The following DNAAF4 variants were observed in gnomAD, a reference collection of about 807,000 sequenced individuals.
DNAAF4 encodes the protein dynein assembly factor 4, axonemal.
In DNAAF4, 43 loss-of-function variants were observed where a neutral mutation model predicts 51.8. The observed-to-expected ratio is 0.83, with a 90% confidence interval of 0.65 to 1.07. The LOEUF is 1.07. DNAAF4 is among the 50% of genes least tolerant of loss of function. DNAAF4 has a pLI of 0.00. For synonymous variants in DNAAF4, 194 were observed against 165.6 expected (o/e 1.17, Z -1.32); for missense variants, 581 against 493.0 (o/e 1.18, Z -1.69).
intron 5 of DNAAF4, among the ~76,000 whole-genome samples, chr15:55,465,517 T>C (rs948635724): frequency 1.3e-5 from 2 of 151,034 alleles, no homozygotes; most frequent in African/African-American, 2.4e-5. Flanking sequence ...ACGATTATGC[T>C]ACATGAAGTA....
At chr15:55,435,958 T>C (rs1014432225) in intron 7 of DNAAF4, among the ~76,000 whole-genome samples, 17 of 152,148 alleles carry the variant, frequency 1.1e-4, no homozygotes, top group African/African-American at 4.1e-4. Flanking sequence ...CTGGCTAATT[T>C]TGTATTTTTA....
At chr15:55,438,531 C>G (rs2057654487) in intron 7 of DNAAF4, among the ~76,000 whole-genome samples, 1 of 151,964 alleles carries the variant, frequency 6.6e-6, no homozygotes, top group South Asian at 2.1e-4. Flanking sequence ...CCTGTAATCC[C>G]AGCACTTTGG....
At chr15:55,445,369 G>A (rs1156956525) in intron 6 of DNAAF4, among the ~76,000 whole-genome samples, 1 of 152,144 alleles carries the variant, frequency 6.6e-6, no homozygotes, top group Non-Finnish European at 1.5e-5. Context: ...TAAGGTTATA[G>A]ATTAACAGCA....
At chr15:55,501,156 G>A (rs1211492287) in intron 1 of DNAAF4, among the ~76,000 whole-genome samples, 2 of 140,558 alleles carry the variant, frequency 1.4e-5, no homozygotes, top group South Asian at 2.3e-4. Context: ...CTCCACCTCC[G>A]GGGTTCAAGC....
At chr15:55,487,200 C>T (rs970181778) in intron 4 of DNAAF4, among the ~76,000 whole-genome samples, 1 of 152,148 alleles carries the variant, frequency 6.6e-6, no homozygotes, top group African/African-American at 2.4e-5. Flanking sequence ...TAAAAATGCA[C>T]CAATCAGCGC....
intron 6 of DNAAF4, among the ~76,000 whole-genome samples, chr15:55,448,978 T>C (rs1161978291): frequency 6.6e-6 from 1 of 151,490 alleles, no homozygotes; most frequent in Non-Finnish European, 1.5e-5. Flanking sequence ...TATATTGTCA[T>C]TATGTCTTTT....
chr15:55,443,274 ACTACCCGGCAGGCGCCTGC>A, intron 6 of DNAAF4: 2 of 1,550,996 alleles, frequency 1.3e-6, no homozygotes, highest in Non-Finnish European at 8.8e-7. Context: ...GTTGCGGCTC[ACTACCCGGCAGGCGCCTGC>A]CTACCGGTGG....
intron 6 of DNAAF4, 40 bp from the exon 7 acceptor site, chr15:55,439,621 T>C: frequency 6.5e-7 from 1 of 1,529,390 alleles, no homozygotes. Context: ...TAAAAAGGTC[T>C]TTTTTTAATT....
chr15:55,467,476 C>G (rs1283700230), intron 4 of DNAAF4, among the ~76,000 whole-genome samples: 1 of 151,790 alleles, frequency 6.6e-6, no homozygotes. Context: ...TAGATGATAC[C>G]TAAGGGCTTG....
At chr15:55,419,348 C>T (rs906168459) in intron 7 of DNAAF4, among the ~76,000 whole-genome samples, 1 of 152,090 alleles carries the variant, frequency 6.6e-6, no homozygotes, top group South Asian at 2.1e-4. Flanking sequence ...CTCAGCCTCT[C>T]GACTAGCTGG....
In DNAAF4 at chr15:55,455,867, T is replaced by A. The variant is rs188359321; in HGVS notation, c.638-5500A>T. 2.6e-5 allele frequency among the ~76,000 whole-genome samples: 4 copies of A among 152,192 alleles called. No individual in the cohort carries two copies. The East Asian group carries it at 7.7e-4, about 29-fold the overall frequency. On this transcript the variant is annotated intron_variant, in intron 5 of 9. Coordinates refer to ENST00000321149, the MANE Select transcript of DNAAF4 (RefSeq NM_130810.4). ...ACAAGTTTACTTATTCATAGTTATTTTTTTTTTCTGAACATCTATTTCCTC... is the reference window on the plus strand; with the variant it reads ...ACAAGTTTACTTATTCATAGTTATTATTTTTTTCTGAACATCTATTTCCTC...
chr15:55,497,608 T>A, intron 3 of DNAAF4, 104 bp downstream of exon 3: 2 of 1,308,952 alleles, frequency 1.5e-6, no homozygotes, highest in Non-Finnish European at 2.0e-6. Flanking sequence ...AAAAAAAAAA[T>A]CTATCTTCCC....
chr15:55,429,381 C>T (rs142493543), downstream of DNAAF4, among the ~76,000 whole-genome samples: 1,677 of 151,352 alleles, frequency 0.011, 16 homozygotes, highest in South Asian at 0.016. Flanking sequence ...ATTAATCAGG[C>T]GTGGTGGTGC....
chr15:55,429,292 G>C (rs913301431), downstream of DNAAF4, among the ~76,000 whole-genome samples: 11 of 151,872 alleles, frequency 7.2e-5, no homozygotes, highest in African/African-American at 2.7e-4. Context: ...GGCCGAGGCG[G>C]GTGGATCACC....
chr15:55,493,948 C>T (rs1342659531), intron 3 of DNAAF4, among the ~76,000 whole-genome samples: 1 of 151,802 alleles, frequency 6.6e-6, no homozygotes, highest in Non-Finnish European at 1.5e-5. Context: ...AAATGATCCT[C>T]CCACCTTGGC....
chr15:55,424,211 C>T (rs2057411226), intron 7 of DNAAF4, among the ~76,000 whole-genome samples: 2 of 152,166 alleles, frequency 1.3e-5, no homozygotes, highest in African/African-American at 2.4e-5. Context: ...GGGAGTTCAG[C>T]CCCCTTTTCC....
chr15:55,497,705 A>C lies in DNAAF4; in HGVS notation c.271+7T>G. ...ACCAGATGAACATCTTTTAATAAAG[A>C]ACTTACCACCCGTCACAGAAAGGGT... On this transcript the variant is annotated splice_region_variant and intron_variant, in intron 3 of 9. Coordinates refer to ENST00000321149, the MANE Select transcript of DNAAF4 (RefSeq NM_130810.4). 1 of 1,595,548 alleles carries C rather than the reference A, an allele frequency of 6.3e-7. No homozygotes were observed. Among genetic ancestry groups the C allele is most frequent in the South Asian group, 1.1e-5 (1 of 87,426 alleles).
chr15:55,484,530 GCTA>G (rs2058460243), intron 4 of DNAAF4, among the ~76,000 whole-genome samples: 1 of 151,238 alleles, frequency 6.6e-6, no homozygotes, highest in East Asian at 1.9e-4. Flanking sequence ...CATATGATCT[GCTA>G]TATCCACTTC....
At chr15:55,441,078 AT>A (rs986003840) in intron 6 of DNAAF4, among the ~76,000 whole-genome samples, 83 of 147,154 alleles carry the variant, frequency 5.6e-4, no homozygotes, top group African/African-American at 1.7e-3. Context: ...GATATTATTA[AT>A]TTTTTTTTTT....
Sources: gnomAD v4.1 joint callset for allele counts (sites outside exome capture counted in the v4.1 genomes callset) on GRCh38, gnomAD v4.1.1 for gene constraint, MANE v1.5 for transcripts, NCBI Gene and HGNC (gene_info 2026-07-23, HGNC 2026-07-21) for gene names.